Variants in SNX29 observed in about 807,000 individuals in gnomAD.
SNX29 encodes the protein sorting nexin-29.
Under a neutral mutation model 102.1 loss-of-function variants are expected in SNX29, and 78 were observed. That is an observed-to-expected ratio of 0.76 (90% CI 0.64 to 0.92). The LOEUF (loss-of-function observed/expected upper bound fraction) is 0.92. SNX29 is among the 40% of genes least tolerant of loss of function. SNX29 has a pLI of 0.00. For missense variants in SNX29, 1,280 were observed against 1,061.7 expected (o/e 1.21, Z -2.86); for synonymous variants, 580 against 414.5 (o/e 1.40, Z -4.85).
At chr16:12,506,331 A>G (rs1267016620) in intron 19 of SNX29, among the ~76,000 whole-genome samples, 3 of 152,182 alleles carry the variant, frequency 2.0e-5, no homozygotes, top group Non-Finnish European at 4.4e-5. Flanking sequence ...CTGGGCTTGA[A>G]TCCTGCGCCT....
At chr16:12,463,596 C>T (rs1171058000) in intron 18 of SNX29, among the ~76,000 whole-genome samples, 2 of 152,196 alleles carry the variant, frequency 1.3e-5, no homozygotes, top group Non-Finnish European at 2.9e-5. Context: ...CCTCCCACAA[C>T]ACGTGGGAAT....
rs2151202117 is a variant in SNX29 at position 12,048,291 on chromosome 16, G to A, written c.500-81G>A. 2.5e-6 allele frequency: 4 copies of A among 1,596,284 alleles called. No individual in the cohort carries two copies. In the South Asian group the frequency reaches 3.3e-5, roughly 13 times the overall value. Reference sequence around the variant, plus strand: ...CAACGTGCCTCCTCTTCTGTACTCTGTTGTCTGCAGCTGTCTTCTCTTGTT... The same window carrying A: ...CAACGTGCCTCCTCTTCTGTACTCTATTGTCTGCAGCTGTCTTCTCTTGTT... On this transcript the variant is annotated intron_variant, in intron 6 of 20. Coordinates refer to ENST00000566228, the MANE Select transcript of SNX29 (RefSeq NM_032167.5).
In SNX29 at chr16:12,061,662, T is replaced by C. The variant is rs1317757270; in HGVS notation, c.1243+16T>C. On this transcript the variant is annotated intron_variant, in intron 9 of 20. Coordinates refer to ENST00000566228, the MANE Select transcript of SNX29 (RefSeq NM_032167.5). The stretch of plus-strand genomic sequence containing the variant: ...AGCCCAGCAGGTGGGTGTCTCCCGA[T>C]TACTCCTTTCCTCCAATAAGAGCTT... The C allele has an allele frequency of 6.3e-7, 1 of 1,595,500 alleles. No homozygotes were observed. Among genetic ancestry groups the C allele is most frequent in the Non-Finnish European group, 8.6e-7 (1 of 1,167,568 alleles).
At chr16:12,230,709 C>T (rs2142194380) in intron 14 of SNX29, among the ~76,000 whole-genome samples, 1 of 152,232 alleles carries the variant, frequency 6.6e-6, no homozygotes, top group South Asian at 2.1e-4. Context: ...GAAACCAAAT[C>T]CAAAGTGAAT....
chr16:12,539,625 A>G (rs1308461175), intron 20 of SNX29, among the ~76,000 whole-genome samples: 4 of 152,224 alleles, frequency 2.6e-5, no homozygotes, highest in Non-Finnish European at 5.9e-5. Flanking sequence ...ACTGGATCCT[A>G]TGCTAAATGT....
intron 16 of SNX29, among the ~76,000 whole-genome samples, chr16:12,392,519 A>G (rs2083565596): frequency 1.3e-5 from 2 of 152,236 alleles, no homozygotes; most frequent in South Asian, 2.1e-4. Flanking sequence ...TCACTGAGCG[A>G]TCAGATGTGC....
intron 20 of SNX29, among the ~76,000 whole-genome samples, chr16:12,563,090 T>C (rs913503411): frequency 6.9e-6 from 1 of 145,174 alleles, no homozygotes; most frequent in African/African-American, 2.4e-5. Flanking sequence ...GAATGTTACA[T>C]AGAAGACGCA....
Position 12,077,841 on chromosome 16 carries a change from G to C in SNX29, c.1320-992G>C, listed in dbSNP as rs547329859. 2.7e-3 allele frequency among the ~76,000 whole-genome samples: 418 copies of C among 152,056 alleles called. 2 individuals are homozygous for C. The highest frequency in any genetic ancestry group is 9.5e-3 in the African/African-American group (394 of 41,506). ...TTGCCATGTTCGCCAGGCTGGTCTC[G>C]AACTCCTGACCTCATGTGATCCACC... On this transcript the variant is annotated intron_variant, in intron 10 of 20. Coordinates refer to ENST00000566228, the MANE Select transcript of SNX29 (RefSeq NM_032167.5).
At chr16:12,221,935 A>G (rs1056121072) in intron 14 of SNX29, among the ~76,000 whole-genome samples, 2 of 152,064 alleles carry the variant, frequency 1.3e-5, no homozygotes, top group Non-Finnish European at 2.9e-5. Context: ...TCTCATTTCA[A>G]CTCATCAGCA....
intron 18 of SNX29, among the ~76,000 whole-genome samples, chr16:12,414,693 T>G (rs2151560198): frequency 6.6e-6 from 1 of 152,052 alleles, no homozygotes; most frequent in East Asian, 1.9e-4. Flanking sequence ...TTCAAAAGCT[T>G]GGGACGATTT....
intron 11 of SNX29, among the ~76,000 whole-genome samples, chr16:12,091,401 C>CTGGG (rs890899849): frequency 1.3e-5 from 2 of 152,098 alleles, no homozygotes; most frequent in African/African-American, 4.8e-5. Context: ...GAATCCTAAC[C>CTGGG]CCCAGTGTGA....
At chr16:12,531,485 C>T (rs1214892355) in intron 20 of SNX29, among the ~76,000 whole-genome samples, 2 of 152,152 alleles carry the variant, frequency 1.3e-5, no homozygotes, top group African/African-American at 4.8e-5. Context: ...GAAGGCCCTA[C>T]CAAGAGGGGA....
At chr16:12,230,467 T>C (rs547456811) in intron 14 of SNX29, among the ~76,000 whole-genome samples, 32 of 152,374 alleles carry the variant, frequency 2.1e-4, no homozygotes, top group African/African-American at 7.2e-4. Flanking sequence ...CCTCTTGCTT[T>C]GGTGACAGCT....
In SNX29 at chr16:12,212,052, T is replaced by A. The variant is rs190818300; in HGVS notation, c.1678+12369T>A. Among the ~76,000 whole-genome samples, 808 of 152,150 alleles carry A rather than the reference T, an allele frequency of 5.3e-3. 4 individuals are homozygous for A. Among genetic ancestry groups the A allele is most frequent in the Middle Eastern group, 0.014 (4 of 294 alleles). On this transcript the variant is annotated intron_variant, in intron 14 of 20. Coordinates refer to ENST00000566228, the MANE Select transcript of SNX29 (RefSeq NM_032167.5). The stretch of plus-strand genomic sequence containing the variant: ...TGCTTTCCCCAGTGCTTCTGAAGTT[T>A]ATTCTCTCAGACGTGTTCTAGGGAT...
At chr16:12,561,855 C>T (rs879589008) in intron 20 of SNX29, among the ~76,000 whole-genome samples, 3 of 152,136 alleles carry the variant, frequency 2.0e-5, no homozygotes, top group Non-Finnish European at 2.9e-5. Context: ...GAGGCAGTGC[C>T]CTGGGGACTT....
At chr16:12,560,352 T>TCATC (rs531219797) in intron 20 of SNX29, among the ~76,000 whole-genome samples, 28 of 152,232 alleles carry the variant, frequency 1.8e-4, no homozygotes, top group Admixed American at 3.9e-4. Flanking sequence ...GGATTTACAT[T>TCATC]CATCTGGTGA....
chr16:12,079,807 C>T (rs2051773542), intron 11 of SNX29, among the ~76,000 whole-genome samples: 1 of 152,156 alleles, frequency 6.6e-6, no homozygotes, highest in South Asian at 2.1e-4. Context: ...CCAAAATAGC[C>T]ATTTTAGCTC....
chr16:12,312,149 G>C (rs2080576722), intron 15 of SNX29, among the ~76,000 whole-genome samples: 1 of 152,204 alleles, frequency 6.6e-6, no homozygotes, highest in African/African-American at 2.4e-5. Flanking sequence ...ACAACTTGGT[G>C]GGTTTTTTAA....
At chr16:12,297,553 A>T (rs2080023135) in intron 15 of SNX29, among the ~76,000 whole-genome samples, 1 of 151,800 alleles carries the variant, frequency 6.6e-6, no homozygotes, top group Admixed American at 6.6e-5. Context: ...GCTAAGAGAG[A>T]TCTGAGGTGT....
Sources: allele counts gnomAD v4.1 joint callset (sites outside exome capture counted in the v4.1 genomes callset), GRCh38; gene constraint gnomAD v4.1.1; transcripts MANE v1.5; gene names NCBI Gene and HGNC (gene_info 2026-07-23, HGNC 2026-07-21).